Variants in PLXDC2 observed in about 807,000 individuals in gnomAD.
The protein encoded by PLXDC2 is plexin domain containing 2.
In PLXDC2, 40 loss-of-function variants were observed where a neutral mutation model predicts 68.9. That is an observed-to-expected ratio of 0.58 (90% CI 0.45 to 0.76). The LOEUF is 0.76. PLXDC2 is among the 30% of genes least tolerant of loss of function. The probability of loss-of-function intolerance (pLI) is 0.00; values close to 1 mark genes in which losing one functional copy is unlikely to be tolerated. For missense variants in PLXDC2, 644 were observed against 661.9 expected (o/e 0.97, Z 0.30); for synonymous variants, 243 against 234.2 (o/e 1.04, Z -0.34).
chr10:19,819,518 C>G (rs1018252653), intron 1 of PLXDC2, among the ~76,000 whole-genome samples: 2 of 152,186 alleles, frequency 1.3e-5, no homozygotes, highest in Non-Finnish European at 2.9e-5. Flanking sequence ...GTTTGTCATG[C>G]AACAATCAGG....
chr10:19,936,964 G>A lies in PLXDC2; in HGVS notation c.113-64811G>A, dbSNP rs139871107. 4.4e-3 allele frequency among the ~76,000 whole-genome samples: 677 copies of A among 152,216 alleles called. 4 individuals are homozygous for A. Among genetic ancestry groups the A allele is most frequent in the African/African-American group, 0.016 (649 of 41,518 alleles). Reference sequence around the variant, plus strand: ...AATATTCCAGATATTGGCAGATATCGAGAGCTCATCTCAGCACTTTTTATC... The same window carrying A: ...AATATTCCAGATATTGGCAGATATCAAGAGCTCATCTCAGCACTTTTTATC... On this transcript the variant is annotated intron_variant, in intron 1 of 13. Transcript: ENST00000377252.
intron 2 of PLXDC2, among the ~76,000 whole-genome samples, chr10:20,034,550 C>T (rs534900899): frequency 1.1e-4 from 16 of 152,078 alleles, no homozygotes; most frequent in South Asian, 8.3e-4. Context: ...AATTATTTTC[C>T]GATATCAAAG....
chr10:20,183,807 A>G (rs560016986), intron 9 of PLXDC2, among the ~76,000 whole-genome samples: 7 of 152,104 alleles, frequency 4.6e-5, no homozygotes, highest in Non-Finnish European at 7.4e-5. Context: ...GGTTTTGTCA[A>G]TGTTAACCAA....
chr10:20,075,942 A>T (rs1487315073), intron 4 of PLXDC2, among the ~76,000 whole-genome samples: 1 of 152,206 alleles, frequency 6.6e-6, no homozygotes, highest in Admixed American at 6.5e-5. Context: ...CCAGGAAAGC[A>T]TCATTCATCT....
intron 4 of PLXDC2, among the ~76,000 whole-genome samples, chr10:20,082,614 A>G (rs1836588710): frequency 6.6e-6 from 1 of 152,064 alleles, no homozygotes; most frequent in African/African-American, 2.4e-5. Flanking sequence ...GAGTAAAGAA[A>G]CTCTCAAGCT....
chr10:20,122,308 A>G (rs1472546064), intron 4 of PLXDC2, among the ~76,000 whole-genome samples: 1 of 152,162 alleles, frequency 6.6e-6, no homozygotes, highest in Non-Finnish European at 1.5e-5. Context: ...ATGCGGAGTG[A>G]GTAGCCTCCG....
rs577883054 is a variant in PLXDC2, at chr10:20,227,459, C to CA, written c.1312+8358dup. ...AAAAGAATTTCAGGAAGGGGATTGA[C>CA]ATAGAAAGAGGTTCAGAAGCATGAA... is the stretch of plus-strand genomic sequence containing the variant. On this transcript the variant is annotated intron_variant, in intron 12 of 13. Coordinates refer to ENST00000377252, the MANE Select transcript of PLXDC2 (RefSeq NM_032812.9). Among the ~76,000 whole-genome samples the CA allele has an allele frequency of 8.7e-4, 133 of 152,176 alleles. No individual in the cohort carries two copies. In the Middle Eastern group the frequency reaches 0.017, roughly 19 times the overall value.
At chr10:19,892,879 G>A (rs377171275) in intron 1 of PLXDC2, among the ~76,000 whole-genome samples, 26 of 151,742 alleles carry the variant, frequency 1.7e-4, no homozygotes, top group African/African-American at 6.3e-4. Flanking sequence ...TCAGACAGCA[G>A]GAGGAGCCTG....
chr10:19,988,776 CTTTTTTTTTTTTTTTTTTT>C (rs552950916), intron 1 of PLXDC2, among the ~76,000 whole-genome samples: 11 of 45,492 alleles, frequency 2.4e-4, no homozygotes, highest in East Asian at 1.5e-3. Flanking sequence ...AATAATGCCA[CTTTTTTTTTTTTTTTTTTT>C]TTTTTTTTTT....
chr10:19,940,909 G>A (rs1228661711), intron 1 of PLXDC2, among the ~76,000 whole-genome samples: 1 of 152,180 alleles, frequency 6.6e-6, no homozygotes, highest in Non-Finnish European at 1.5e-5. Flanking sequence ...GGTTTCTGAA[G>A]CTGCCATCAC....
chr10:20,224,618 C>T (rs9633643), intron 12 of PLXDC2, among the ~76,000 whole-genome samples: 34,709 of 151,926 alleles, frequency 0.23, 3,956 homozygotes, highest in East Asian at 0.26. Flanking sequence ...TAATTGAAAA[C>T]TAAAGTCTTC....
intron 1 of PLXDC2, among the ~76,000 whole-genome samples, chr10:19,873,668 G>T (rs1227962220): frequency 6.6e-6 from 1 of 151,960 alleles, no homozygotes; most frequent in Non-Finnish European, 1.5e-5. Flanking sequence ...AGCAAATCTG[G>T]ACTTGACAAA....
At chr10:20,090,635 A>G (rs11011792) in intron 4 of PLXDC2, among the ~76,000 whole-genome samples, 9,672 of 152,184 alleles carry the variant, frequency 0.064, 402 homozygotes, top group South Asian at 0.21. Flanking sequence ...GTAGAAAAAA[A>G]TTACAGAAAA....
chr10:20,003,899 C>G (rs1834982076), intron 2 of PLXDC2, among the ~76,000 whole-genome samples: 1 of 152,168 alleles, frequency 6.6e-6, no homozygotes. Flanking sequence ...CCTGAACTGG[C>G]TGCTGGAGAG....
At chr10:20,103,933 G>A (rs1011670490) in intron 4 of PLXDC2, among the ~76,000 whole-genome samples, 3 of 152,162 alleles carry the variant, frequency 2.0e-5, no homozygotes, top group Non-Finnish European at 4.4e-5. Context: ...GTGAGCCACC[G>A]TGCCCGGCTG....
chr10:20,086,502 G>C (rs1833198658), intron 4 of PLXDC2, among the ~76,000 whole-genome samples: 1 of 151,666 alleles, frequency 6.6e-6, no homozygotes, highest in African/African-American at 2.4e-5. Flanking sequence ...TTGTTATGCT[G>C]TATTTTTAGG....
chr10:19,849,664 G>C (rs1837079094), intron 1 of PLXDC2, among the ~76,000 whole-genome samples: 1 of 151,924 alleles, frequency 6.6e-6, no homozygotes, highest in Non-Finnish European at 1.5e-5. Context: ...GTTTCCTGAG[G>C]CCTCCCTAAC....
chr10:19,911,814 T>C (rs1035418459), intron 1 of PLXDC2, among the ~76,000 whole-genome samples: 1 of 152,216 alleles, frequency 6.6e-6, no homozygotes, highest in African/African-American at 2.4e-5. Context: ...AATGAAAATA[T>C]ATTACAATTT....
chr10:19,874,777 G>A (rs1413902628), intron 1 of PLXDC2, among the ~76,000 whole-genome samples: 2 of 152,312 alleles, frequency 1.3e-5, no homozygotes, highest in East Asian at 3.9e-4. Context: ...AAGCATTTCA[G>A]TTAAAGGGAT....
Sources: allele counts gnomAD v4.1 joint callset (sites outside exome capture counted in the v4.1 genomes callset), GRCh38; gene constraint gnomAD v4.1.1; transcripts MANE v1.5; gene names NCBI Gene and HGNC (gene_info 2026-07-23, HGNC 2026-07-21).